The following HSPA12A variants were observed in gnomAD, a reference collection of about 807,000 sequenced individuals.
The protein encoded by HSPA12A is heat shock protein family A (Hsp70) member 12A.
Under a neutral mutation model 69.2 loss-of-function variants are expected in HSPA12A, and 28 were observed. That is an observed-to-expected ratio of 0.40 (90% CI 0.30 to 0.55). HSPA12A has a LOEUF of 0.55. HSPA12A is among the 20% of genes least tolerant of loss of function. The pLI, the probability that HSPA12A is intolerant of heterozygous loss-of-function variation, is 0.38. For missense variants in HSPA12A, 686 were observed against 900.7 expected (o/e 0.76, Z 3.05); for synonymous variants, 345 against 370.5 (o/e 0.93, Z 0.79).
In HSPA12A at chr10:116,763,948, G is replaced by C. The variant is rs563169483; in HGVS notation, c.92-56663C>G. Among the ~76,000 whole-genome samples the C allele has an allele frequency of 2.0e-4, 30 of 152,208 alleles. No homozygotes were observed. The East Asian group carries it at 2.7e-3, about 14-fold the overall frequency. On this transcript the variant is annotated intron_variant, in intron 2 of 12. Coordinates refer to the HSPA12A transcript ENST00000635765. ...CACTGATAGGACCATGGCGTTATTG[G>C]GGGGGCGGTCGGCAATGAGCCTCTC...
intron 2 of HSPA12A, among the ~76,000 whole-genome samples, chr10:116,763,730 G>GT (rs1844020453): frequency 6.6e-6 from 1 of 152,148 alleles, no homozygotes; most frequent in African/African-American, 2.4e-5. Flanking sequence ...GGACTAGGAG[G>GT]TTTTTTTGGG....
intron 2 of HSPA12A, among the ~76,000 whole-genome samples, chr10:116,788,072 G>A (rs979452173): frequency 3.9e-5 from 6 of 152,152 alleles, no homozygotes; most frequent in Non-Finnish European, 7.3e-5. Context: ...CAGATGCTAC[G>A]CTAAAAGCAG....
intron 1 of HSPA12A, among the ~76,000 whole-genome samples, chr10:116,840,467 T>G (rs1036187801): frequency 6.6e-6 from 1 of 152,224 alleles, no homozygotes; most frequent in African/African-American, 2.4e-5. Flanking sequence ...ATTTTGTATT[T>G]GATTCTGTAT....
intron 1 of HSPA12A, among the ~76,000 whole-genome samples, chr10:116,740,714 G>A (rs1246610118): frequency 6.8e-6 from 1 of 147,552 alleles, no homozygotes; most frequent in Non-Finnish European, 1.5e-5. Context: ...GTGTGTGTTA[G>A]GATAGGGGTG....
intron 1 of HSPA12A, among the ~76,000 whole-genome samples, chr10:116,843,494 C>A (rs972000531): frequency 2.6e-5 from 4 of 152,162 alleles, no homozygotes; most frequent in Non-Finnish European, 5.9e-5. Context: ...CATTTCCTAG[C>A]AATTCTATGA....
At chr10:116,834,459 G>C (rs571940577) in intron 2 of HSPA12A, among the ~76,000 whole-genome samples, 36 of 152,266 alleles carry the variant, frequency 2.4e-4, no homozygotes, top group African/African-American at 8.7e-4. Flanking sequence ...AGGCACCAAA[G>C]AAGAAGGAGG....
At chr10:116,728,720 T>C (rs1851055865) in intron 1 of HSPA12A, among the ~76,000 whole-genome samples, 3 of 152,234 alleles carry the variant, frequency 2.0e-5, no homozygotes, top group African/African-American at 4.8e-5. Context: ...TATGTGCCAC[T>C]GCTTATCTAA....
At chr10:116,678,592 A>AG (rs1262744518) in intron 10 of HSPA12A, among the ~76,000 whole-genome samples, 11 of 151,408 alleles carry the variant, frequency 7.3e-5, no homozygotes, top group Non-Finnish European at 1.3e-4. Context: ...AAGTGAAAAA[A>AG]AAAAAAAAAA....
In HSPA12A at chr10:116,813,247, A is replaced by ATTTTTTTTTTTTTTTT. The variant is rs71013618; in HGVS notation, c.91+21672_91+21687dup. ...AAAGAAAGAGGCCATCCAGAGCTCT[A>ATTTTTTTTTTTTTTTT]TTTTTTTTTTTTTTTTGAGATGGAG... On this transcript the variant is annotated intron_variant, in intron 2 of 12. Coordinates refer to the HSPA12A transcript ENST00000635765. Among the ~76,000 whole-genome samples the ATTTTTTTTTTTTTTTT allele has an allele frequency of 2.0e-5, 2 of 100,028 alleles. 1 individual carries two copies. The highest frequency in any genetic ancestry group is 3.8e-5 in the Non-Finnish European group (2 of 52,780). 65.6% of individuals were successfully genotyped at this position (100,028 alleles called of 152,430 possible). A position where few individuals can be genotyped will look rare whatever the true frequency, so the allele number is the denominator to read the frequency against.
chr10:116,775,941 A>G (rs1844326308), intron 2 of HSPA12A, among the ~76,000 whole-genome samples: 3 of 152,210 alleles, frequency 2.0e-5, no homozygotes, highest in Admixed American at 2.0e-4. Context: ...GACTGGGGGC[A>G]GCTGAGTGCC....
rs184124119 is a variant in HSPA12A, at chr10:116,820,190, T to A, written c.91+14745A>T. 5.8e-3 allele frequency among the ~76,000 whole-genome samples: 884 copies of A among 152,180 alleles called. 4 individuals carry two copies. The highest frequency in any genetic ancestry group is 7.7e-3 in the South Asian group (37 of 4,814). ...CAGTACCATTAGAATTAGACAAATATGACATGATCAGCAAAATATTTTAAA... is the reference window on the plus strand; with the variant it reads ...CAGTACCATTAGAATTAGACAAATAAGACATGATCAGCAAAATATTTTAAA... On this transcript the variant is annotated intron_variant, in intron 2 of 12. Coordinates refer to the HSPA12A transcript ENST00000635765.
At position 116,675,033 on chromosome 10, in the gene HSPA12A, C is replaced by T. The variant is rs1355627258; in HGVS notation, c.1776G>A (p.Lys592=). 17 of 1,614,052 alleles carry T rather than the reference C, an allele frequency of 1.1e-5. No homozygotes were observed. Among genetic ancestry groups the T allele is most frequent in the Non-Finnish European group, 1.4e-5 (16 of 1,180,042 alleles). ...TGATGACAATGACCAGCTGGGAGGGCTTGGCCGGGGTGTAGCTACGCTTGA... is the reference window on the plus strand; with the variant it reads ...TGATGACAATGACCAGCTGGGAGGGTTTGGCCGGGGTGTAGCTACGCTTGA... The part of the protein sequence containing the change: ...ELVKRSYTPA[K]PSQLVIVINI... The change falls in exon 12 of 12, where the codon AAG becomes AAA. Residue 592 remains lysine (K), a synonymous_variant. Coordinates refer to ENST00000369209, the MANE Select transcript of HSPA12A (RefSeq NM_025015.3). The surrounding 1 kb of genome is among the most constrained non-coding windows in gnomAD (Gnocchi z 5.2).
At position 116,673,011 on chromosome 10, in the gene HSPA12A, G is replaced by C. The variant is rs191490199; in HGVS notation, c.*1770C>G. 6.6e-6 allele frequency: 1 copy of C among 152,610 alleles called. No homozygotes were observed. The highest frequency in any genetic ancestry group is 6.5e-5 in the Admixed American group (1 of 15,278). The allele number at this position is 152,610 out of a possible 1,614,324, so 9.5% of individuals were successfully genotyped here. On this transcript the variant is annotated 3_prime_UTR_variant, in exon 12 of 12. Coordinates refer to ENST00000369209, the MANE Select transcript of HSPA12A (RefSeq NM_025015.3). ...AAATGTGAAATGCTGTTTAAAATCT[G>C]CATATTGGCTATGATAATGGGTTTG...
chr10:116,789,148 G>C (rs1363892117), intron 2 of HSPA12A, among the ~76,000 whole-genome samples: 1 of 152,094 alleles, frequency 6.6e-6, no homozygotes, highest in Non-Finnish European at 1.5e-5. Flanking sequence ...TTACAGGTGT[G>C]AGCCACCGCA....
Position 116,686,043 on chromosome 10 carries a change from G to A in HSPA12A, c.664-2081C>T, listed in dbSNP as rs1438535398. Among the ~76,000 whole-genome samples the A allele has an allele frequency of 2.6e-5, 4 of 152,256 alleles. No individual in the cohort carries two copies. Among genetic ancestry groups the A allele is most frequent in the East Asian group, 1.9e-4 (1 of 5,162 alleles). ...GCTGGGTCTGCCCTTAGGTGACATC[G>A]GTCAACAGGGCCCTGACTCAGGTGC... is the stretch of plus-strand genomic sequence containing the variant. On this transcript the variant is annotated intron_variant, in intron 6 of 11. Transcript: ENST00000369209. The surrounding 1 kb of genome is among the most constrained non-coding windows in gnomAD (Gnocchi z 4.1).
At chr10:116,707,376 G>T in intron 1 of HSPA12A, 91 bp from the exon 2 acceptor site, 2 of 999,358 alleles carry the variant, frequency 2.0e-6, no homozygotes, top group Non-Finnish European at 3.1e-6. Context: ...ACTCCTCCAG[G>T]AACTGCGGCC....
intron 5 of HSPA12A, among the ~76,000 whole-genome samples, chr10:116,695,999 T>C (rs1197388877): frequency 3.6e-5 from 1 of 27,998 alleles, no homozygotes; most frequent in Non-Finnish European, 6.4e-5. Flanking sequence ...AGAGACTCCA[T>C]CTCAAAAAAA....
At chr10:116,847,372 A>G (rs1275410372) in intron 1 of HSPA12A, among the ~76,000 whole-genome samples, 2 of 152,078 alleles carry the variant, frequency 1.3e-5, no homozygotes, top group African/African-American at 4.8e-5. Flanking sequence ...TGTTTTCTGT[A>G]TAACAAAAAC....
At chr10:116,736,666 G>A (rs1554886464) in intron 1 of HSPA12A, among the ~76,000 whole-genome samples, 1 of 152,148 alleles carries the variant, frequency 6.6e-6, no homozygotes, top group African/African-American at 2.4e-5. Flanking sequence ...CTTGGAAGAT[G>A]GAGGAAGGGG....
Sources: gnomAD v4.1 joint callset for allele counts (sites outside exome capture counted in the v4.1 genomes callset) on GRCh38, gnomAD v4.1.1 for gene constraint, Gnocchi (gnomAD v3.1) non-coding constraint, MANE v1.5 for transcripts, NCBI Gene and HGNC (gene_info 2026-07-23, HGNC 2026-07-21) for gene names.